Variants in ADK observed in about 807,000 individuals in gnomAD.
ADK encodes the protein adenosine kinase.
ADK carries 24 observed loss-of-function variants against 44.7 expected under a neutral mutation model. The observed-to-expected ratio is 0.54, with a 90% CI of 0.39 to 0.76. The LOEUF (loss-of-function observed/expected upper bound fraction) is 0.76, where lower values mean the gene tolerates loss of function less well. ADK is among the 30% of genes least tolerant of loss of function. The pLI, the probability that ADK is intolerant of heterozygous loss-of-function variation, is 0.00. For synonymous variants in ADK, 128 were observed against 142.6 expected (o/e 0.90, Z 0.73); for missense variants, 321 against 425.1 (o/e 0.76, Z 2.15).
rs1282565148 is a variant in ADK at position 74,303,585 on chromosome 10, G to GTTTTTTTTTTTTTTTTTT, written c.195-11080_195-11079insTTTTTTTTTTTTTTTTTT. On this transcript the variant is annotated intron_variant, in intron 3 of 10. Transcript: ENST00000539909. ...AAACACTTTTCATATTGGTTTTAATGTTGTTTTTTTTTTTTTTTTTTTTTT... is the reference window on the plus strand; with the variant it reads ...AAACACTTTTCATATTGGTTTTAATGTTTTTTTTTTTTTTTTTTTTGTTTTTTTTTTTTTTTTTTTTTT... 3.2e-3 allele frequency among the ~76,000 whole-genome samples: 210 copies of GTTTTTTTTTTTTTTTTTT among 64,630 alleles called. 50 individuals carry two copies. The highest frequency in any genetic ancestry group is 3.8e-3 in the Non-Finnish European group (155 of 40,788). 42.4% of individuals were successfully genotyped at this position (64,630 alleles called of 152,430 possible). A position where few individuals can be genotyped will look rare whatever the true frequency, so the allele number is the denominator to read the frequency against.
intron 9 of ADK, among the ~76,000 whole-genome samples, chr10:74,608,154 C>A (rs1003607659): frequency 6.6e-6 from 1 of 151,866 alleles, no homozygotes; most frequent in Non-Finnish European, 1.5e-5. Flanking sequence ...AGGTTCTTAG[C>A]TTCCTTGCAT....
intron 9 of ADK, among the ~76,000 whole-genome samples, chr10:74,652,605 C>A (rs977557677): frequency 1.1e-4 from 16 of 151,150 alleles, no homozygotes; most frequent in Non-Finnish European, 2.2e-4. Context: ...TGCTCAAAAT[C>A]AAAAATTAGC....
chr10:74,539,551 C>G (rs796393598), intron 7 of ADK, among the ~76,000 whole-genome samples: 13 of 152,220 alleles, frequency 8.5e-5, no homozygotes, highest in African/African-American at 2.9e-4. Context: ...AGTCCCCTTT[C>G]TGAGACTGTG....
At chr10:74,194,356 T>C (rs879914357) in intron 1 of ADK, among the ~76,000 whole-genome samples, 4 of 152,188 alleles carry the variant, frequency 2.6e-5, no homozygotes, top group Non-Finnish European at 5.9e-5. Context: ...GCACATTTCT[T>C]CCCATTTTAA....
chr10:74,235,584 G>A (rs1202433009), intron 3 of ADK, among the ~76,000 whole-genome samples: 3 of 152,154 alleles, frequency 2.0e-5, no homozygotes, highest in East Asian at 1.9e-4. Context: ...GATTACGGGC[G>A]TGAGCCACTG....
chr10:74,174,222 TG>T (rs1322214941), intron 1 of ADK, among the ~76,000 whole-genome samples: 1 of 146,318 alleles, frequency 6.8e-6, no homozygotes, highest in Non-Finnish European at 1.5e-5. Flanking sequence ...GTGGGAGAAT[TG>T]CTTGAACCCC....
intron 4 of ADK, among the ~76,000 whole-genome samples, chr10:74,364,736 G>GTGTGTA (rs1842447751): frequency 1.7e-5 from 2 of 115,560 alleles, no homozygotes; most frequent in Admixed American, 9.5e-5. Flanking sequence ...GTGTGTGTGT[G>GTGTGTA]TGTGTTCTAG....
At chr10:74,229,932 G>A (rs1162846480) in intron 3 of ADK, among the ~76,000 whole-genome samples, 4 of 152,002 alleles carry the variant, frequency 2.6e-5, no homozygotes, top group African/African-American at 9.7e-5. Flanking sequence ...CCAGCTACTT[G>A]GGAGACTGAG....
intron 3 of ADK, among the ~76,000 whole-genome samples, chr10:74,310,783 C>T (rs1178463746): frequency 6.6e-6 from 1 of 152,002 alleles, no homozygotes; most frequent in Non-Finnish European, 1.5e-5. Flanking sequence ...GCATTTTAGT[C>T]TGTGTTTAAC....
intron 6 of ADK, among the ~76,000 whole-genome samples, chr10:74,491,763 G>T (rs942264511): frequency 1.6e-4 from 24 of 152,150 alleles, no homozygotes; most frequent in African/African-American, 5.8e-4. Context: ...GGGAGTGTAG[G>T]TTTACTTATT....
intron 3 of ADK, among the ~76,000 whole-genome samples, chr10:74,290,096 A>ACACACACACACACT (rs1847351796): frequency 6.6e-6 from 1 of 151,894 alleles, no homozygotes; most frequent in South Asian, 2.1e-4. Flanking sequence ...ACACACACAC[A>ACACACACACACACT]CACACTCACA....
At chr10:74,198,521 A>G (rs1003849423) in intron 1 of ADK, among the ~76,000 whole-genome samples, 2 of 152,242 alleles carry the variant, frequency 1.3e-5, no homozygotes, top group Admixed American at 6.5e-5. Context: ...CATTGATATT[A>G]CTGATAGTTG....
intron 1 of ADK, among the ~76,000 whole-genome samples, chr10:74,167,877 A>C (rs1842071291): frequency 6.6e-6 from 1 of 152,220 alleles, no homozygotes; most frequent in South Asian, 2.1e-4. Context: ...TTGCCCTTTG[A>C]AGGATGATCA....
At position 74,625,464 on chromosome 10, in the gene ADK, T is replaced by G. The variant is rs142210671; in HGVS notation, c.877+24971T>G. Among the ~76,000 whole-genome samples the G allele has an allele frequency of 2.8e-3, 423 of 152,242 alleles. 2 individuals are homozygous for G. Among genetic ancestry groups the G allele is most frequent in the East Asian group, 0.022 (116 of 5,184 alleles). On this transcript the variant is annotated intron_variant, in intron 9 of 10. Coordinates refer to ENST00000539909, the MANE Select transcript of ADK (RefSeq NM_006721.4). ...TAAGTGCTTAAAGTATATATATATATAGAGAAGACATCCTTTGGACTGAGA... is the reference window on the plus strand; with the variant it reads ...TAAGTGCTTAAAGTATATATATATAGAGAGAAGACATCCTTTGGACTGAGA...
At chr10:74,362,010 T>A (rs1045372123) in intron 4 of ADK, among the ~76,000 whole-genome samples, 1 of 152,224 alleles carries the variant, frequency 6.6e-6, no homozygotes, top group East Asian at 1.9e-4. Context: ...GCCTTTGACC[T>A]TTGTGAGTTT....
chr10:74,172,713 G>A (rs549195651), intron 1 of ADK, among the ~76,000 whole-genome samples: 36 of 144,456 alleles, frequency 2.5e-4, no homozygotes, highest in Admixed American at 1.4e-3. Context: ...AAAAAAAAGC[G>A]GATCACGAGG....
intron 6 of ADK, among the ~76,000 whole-genome samples, chr10:74,484,711 A>G (rs1847204092): frequency 6.6e-6 from 1 of 152,202 alleles, no homozygotes; most frequent in Admixed American, 6.5e-5. Context: ...TTTTTGTAAT[A>G]TAGCAGTTCG....
intron 1 of ADK, among the ~76,000 whole-genome samples, chr10:74,169,497 G>T (rs781420377): frequency 1.3e-5 from 2 of 152,188 alleles, no homozygotes; most frequent in Non-Finnish European, 2.9e-5. Flanking sequence ...GGGTGTGCCT[G>T]GGAGGGAGTT....
chr10:74,571,639 C>T (rs935859813), intron 7 of ADK, among the ~76,000 whole-genome samples: 1 of 151,986 alleles, frequency 6.6e-6, no homozygotes, highest in African/African-American at 2.4e-5. Flanking sequence ...GTGATATCCC[C>T]TTATTTTTTA....
Sources: gnomAD v4.1 joint callset for allele counts (sites outside exome capture counted in the v4.1 genomes callset) on GRCh38, gnomAD v4.1.1 for gene constraint, MANE v1.5 for transcripts, NCBI Gene and HGNC (gene_info 2026-07-23, HGNC 2026-07-21) for gene names.